The following ARMC2 variants were observed in gnomAD, a reference collection of about 807,000 sequenced individuals.
The protein encoded by ARMC2 is armadillo repeat containing 2, also known as armadillo repeat-containing protein 2.
ARMC2 carries 67 observed loss-of-function variants against 90.3 expected under a neutral mutation model. The observed-to-expected ratio is 0.74, with a 90% CI of 0.61 to 0.91. ARMC2 has a LOEUF of 0.91. Among genes scored for constraint, ARMC2 ranks in the 40% least tolerant of loss-of-function variants. The pLI is 0.00. For synonymous variants in ARMC2, 393 were observed against 393.0 expected, an observed-to-expected ratio of 1.00 and a Z score of 0.00; for missense variants, 920 against 1,030.9, an observed-to-expected ratio of 0.89 and a Z score of 1.47.
chr6:108,889,334 T>C (rs1212420916), intron 5 of ARMC2, among the ~76,000 whole-genome samples: 1 of 150,806 alleles, frequency 6.6e-6, no homozygotes, highest in East Asian at 1.9e-4. Context: ...TTAGTAGAGA[T>C]GGAGTTTCAC....
intron 11 of ARMC2, among the ~76,000 whole-genome samples, chr6:108,933,736 C>A (rs1246602275): frequency 1.3e-5 from 2 of 152,128 alleles, no homozygotes; most frequent in African/African-American, 4.8e-5. Context: ...GCATCCTTGT[C>A]TTGTGCTGGT....
chr6:108,995,328 G>A, the ARMC2 span, among the ~76,000 whole-genome samples: 1 of 152,180 alleles, frequency 6.6e-6, no homozygotes, highest in Admixed American at 6.5e-5. Flanking sequence ...CATACATATT[G>A]TCAATGTGTC....
intron 3 of ARMC2, among the ~76,000 whole-genome samples, chr6:108,864,996 A>AG (rs1461117640): frequency 8.7e-6 from 1 of 115,406 alleles, no homozygotes; most frequent in Non-Finnish European, 1.9e-5. Flanking sequence ...TTCTCAAGTG[A>AG]ATTTTTTTTT....
At chr6:108,858,174 C>T in intron 2 of ARMC2, 25 bp from the exon 3 acceptor site, 3 of 1,579,596 alleles carry the variant, frequency 1.9e-6, no homozygotes, top group Non-Finnish European at 2.6e-6. Flanking sequence ...CACAAACTAA[C>T]ACTCTGCACC....
intron 3 of ARMC2, 79 bp from the exon 4 acceptor site, chr6:108,868,745 G>A: frequency 7.4e-7 from 1 of 1,358,622 alleles, no homozygotes; most frequent in East Asian, 2.4e-5. Context: ...TCTTCTGGAA[G>A]GGTTGTGGCC....
At chr6:108,988,682 T>C in the ARMC2 span, 21 of 1,602,378 alleles carry the variant, frequency 1.3e-5, no homozygotes, top group Admixed American at 3.6e-4. Context: ...GTCATAATCA[T>C]CATATCTGTT....
intron 4 of ARMC2, among the ~76,000 whole-genome samples, chr6:108,873,924 C>T (rs1421465283): frequency 2.0e-5 from 3 of 152,162 alleles, no homozygotes; most frequent in African/African-American, 7.2e-5. Flanking sequence ...GATAGAGCAA[C>T]GTCATTAAGA....
At chr6:108,880,190 G>C in intron 5 of ARMC2, 1 of 339,038 alleles carries the variant, frequency 2.9e-6, no homozygotes, top group South Asian at 2.3e-5. Context: ...GTATAGGCTT[G>C]ATTTTTGTTG....
chr6:109,041,190 T>C, the ARMC2 span, among the ~76,000 whole-genome samples: 2 of 150,502 alleles, frequency 1.3e-5, no homozygotes, highest in African/African-American at 4.9e-5. Context: ...CATGCACCTA[T>C]AGTCCCAGCT....
chr6:108,858,136 A>G, intron 2 of ARMC2, 63 bp from the exon 3 acceptor site: 1 of 1,344,308 alleles, frequency 7.4e-7, no homozygotes, highest in Non-Finnish European at 1.0e-6. Flanking sequence ...GTTAACTAAT[A>G]TATACTATAA....
intron 9 of ARMC2, among the ~76,000 whole-genome samples, chr6:108,912,037 CAAAA>C (rs968257547): frequency 6.6e-6 from 1 of 151,542 alleles, no homozygotes; most frequent in African/African-American, 2.4e-5. Context: ...ATTTTTGTAA[CAAAA>C]AATAAAGGTC....
intron 1 of ARMC2, among the ~76,000 whole-genome samples, chr6:108,849,413 G>T (rs1773775689): frequency 6.6e-6 from 1 of 152,098 alleles, no homozygotes; most frequent in Non-Finnish European, 1.5e-5. Context: ...CTTTTAAAAG[G>T]AGAAGTACGT....
At chr6:109,019,638 AT>A in the ARMC2 span, among the ~76,000 whole-genome samples, 2 of 152,222 alleles carry the variant, frequency 1.3e-5, no homozygotes, top group Non-Finnish European at 2.9e-5. Context: ...AATAGTCTTT[AT>A]CCTAAATCAT....
chr6:109,025,167 C>A, the ARMC2 span, among the ~76,000 whole-genome samples: 1 of 151,860 alleles, frequency 6.6e-6, no homozygotes, highest in African/African-American at 2.4e-5. Context: ...AGGAAAAACA[C>A]CCCATTTACA....
intron 17 of ARMC2, among the ~76,000 whole-genome samples, chr6:108,969,615 T>C (rs1778618294): frequency 6.6e-6 from 1 of 152,246 alleles, no homozygotes; most frequent in African/African-American, 2.4e-5. Flanking sequence ...GAATGTATTA[T>C]ATTTAGTAAA....
At chr6:108,907,877 G>C (rs991704127) in intron 8 of ARMC2, 67 of 1,608,222 alleles carry the variant, frequency 4.2e-5, no homozygotes, top group Non-Finnish European at 5.6e-5. Flanking sequence ...CGCTATCTTA[G>C]AGTCCTGGTG....
At chr6:109,019,632 G>A in the ARMC2 span, among the ~76,000 whole-genome samples, 1 of 152,056 alleles carries the variant, frequency 6.6e-6, no homozygotes, top group African/African-American at 2.4e-5. Flanking sequence ...AGCAAGAATA[G>A]TCTTTATCCT....
Position 108,895,159 on chromosome 6 carries a change from G to A in ARMC2, c.748+616G>A, listed in dbSNP as rs1771472801. ...CATTAACATAGTTCTTGGGTTCAAA[G>A]CTTGAGTTCAAGGCATTGCTTGGCT... On this transcript the variant is annotated intron_variant, in intron 6 of 17. Coordinates refer to ENST00000392644, the MANE Select transcript of ARMC2 (RefSeq NM_032131.6). 2.0e-5 allele frequency among the ~76,000 whole-genome samples: 3 copies of A among 151,514 alleles called. No homozygotes were observed. The South Asian group carries it at 6.3e-4, about 32-fold the overall frequency.
intron 8 of ARMC2, among the ~76,000 whole-genome samples, chr6:108,904,633 A>C (rs528250989): frequency 8.7e-6 from 1 of 114,634 alleles, no homozygotes; most frequent in Non-Finnish European, 1.8e-5. Flanking sequence ...ACGTTTTTGG[A>C]CTGCAACTAA....
Sources: allele counts gnomAD v4.1 joint callset (sites outside exome capture counted in the v4.1 genomes callset), GRCh38; gene constraint gnomAD v4.1.1; transcripts MANE v1.5; gene names NCBI Gene and HGNC (gene_info 2026-07-23, HGNC 2026-07-21).